The following DCC variants were observed in gnomAD, a reference collection of about 807,000 sequenced individuals.
DCC encodes the protein DCC netrin 1 receptor.
In DCC, 58 loss-of-function variants were observed where a neutral mutation model predicts 172.5. The ratio of observed to expected loss-of-function variants is 0.34; its 90% confidence interval spans 0.27 to 0.42. The LOEUF (loss-of-function observed/expected upper bound fraction) is 0.42, where lower values mean the gene tolerates loss of function less well. DCC is among the 10% of genes least tolerant of loss of function. DCC has a pLI of 1.00. For synonymous variants in DCC, 709 were observed against 644.5 expected, an observed-to-expected ratio of 1.10 and a Z score of -1.52; for missense variants, 1,740 against 1,791.0, an observed-to-expected ratio of 0.97 and a Z score of 0.51.
At chr18:52,908,155 G>C (rs908141520) in intron 3 of DCC, among the ~76,000 whole-genome samples, 3 of 152,180 alleles carry the variant, frequency 2.0e-5, no homozygotes, top group African/African-American at 7.2e-5. Context: ...GTTATCACAA[G>C]TACTTCAGCT....
intron 2 of DCC, among the ~76,000 whole-genome samples, chr18:52,864,875 A>G (rs982746990): frequency 1.4e-5 from 2 of 145,652 alleles, no homozygotes; most frequent in African/African-American, 5.0e-5. Flanking sequence ...TTTTTATTTT[A>G]TTTTTATTGA....
intron 13 of DCC, among the ~76,000 whole-genome samples, chr18:53,320,070 C>CTTTT (rs35150045): frequency 7.3e-5 from 8 of 109,624 alleles, no homozygotes; most frequent in South Asian, 3.3e-4. Context: ...CGCAAGAGTA[C>CTTTT]TTTTTTTTTT....
intron 15 of DCC, among the ~76,000 whole-genome samples, chr18:53,370,512 T>A (rs1034609539): frequency 6.6e-6 from 1 of 151,738 alleles, no homozygotes; most frequent in African/African-American, 2.4e-5. Context: ...AATTTAAGCA[T>A]TTACAGCTGT....
intron 1 of DCC, among the ~76,000 whole-genome samples, chr18:52,447,279 G>T (rs1988156003): frequency 6.6e-6 from 1 of 152,212 alleles, no homozygotes; most frequent in African/African-American, 2.4e-5. Flanking sequence ...AGTAGCCAGT[G>T]CTAAAGATAG....
chr18:52,514,479 G>C lies in DCC; in HGVS notation c.91+173601G>C, dbSNP rs57234350. ...CTCAAACAACCAAAAAATGTCTCCAGACATTACCAAATATCCCCTATGGGG... is the reference window on the plus strand; with the variant it reads ...CTCAAACAACCAAAAAATGTCTCCACACATTACCAAATATCCCCTATGGGG... On this transcript the variant is annotated intron_variant, in intron 1 of 28. Coordinates refer to ENST00000442544, the MANE Select transcript of DCC (RefSeq NM_005215.4). Among the ~76,000 whole-genome samples, 6 of 152,288 alleles carry C rather than the reference G, an allele frequency of 3.9e-5. No individual in the cohort carries two copies. In the East Asian group the frequency reaches 7.7e-4, roughly 20 times the overall value.
chr18:53,497,837 A>G (rs187495942), intron 26 of DCC, among the ~76,000 whole-genome samples: 1 of 152,312 alleles, frequency 6.6e-6, no homozygotes, highest in East Asian at 1.9e-4. Context: ...CTTCTTTGGT[A>G]AGAAAGATTT....
chr18:53,232,953 G>T (rs1282882591), intron 12 of DCC, among the ~76,000 whole-genome samples: 2 of 148,748 alleles, frequency 1.3e-5, no homozygotes, highest in Non-Finnish European at 3.0e-5. Context: ...TTTTCCCCAG[G>T]TATTATTATT....
intron 1 of DCC, among the ~76,000 whole-genome samples, chr18:52,718,105 A>G (rs1445958389): frequency 6.6e-6 from 1 of 152,174 alleles, no homozygotes; most frequent in African/African-American, 2.4e-5. Flanking sequence ...TTGTCATCTG[A>G]ATGTTGGCCG....
chr18:53,199,417 C>A (rs1196909467), intron 9 of DCC, among the ~76,000 whole-genome samples: 1 of 151,958 alleles, frequency 6.6e-6, no homozygotes, highest in East Asian at 1.9e-4. Context: ...TTGAGTCTCC[C>A]TTTATTTCAT....
At chr18:52,355,003 G>A (rs150165434) in intron 1 of DCC, among the ~76,000 whole-genome samples, 2 of 152,214 alleles carry the variant, frequency 1.3e-5, no homozygotes, top group Admixed American at 6.5e-5. Context: ...GCCCCGTTAC[G>A]AATGCATATA....
chr18:52,353,471 C>T (rs1033926591), intron 1 of DCC, among the ~76,000 whole-genome samples: 9 of 152,202 alleles, frequency 5.9e-5, no homozygotes, highest in Non-Finnish European at 1.2e-4. Flanking sequence ...TGAGAGCACA[C>T]ACATGCTCAA....
At chr18:52,780,477 A>G (rs559063244) in intron 2 of DCC, among the ~76,000 whole-genome samples, 1 of 152,306 alleles carries the variant, frequency 6.6e-6, no homozygotes, top group African/African-American at 2.4e-5. Context: ...AAAAGATAAT[A>G]AGAGAAAGGC....
intron 21 of DCC, among the ~76,000 whole-genome samples, chr18:53,428,664 AT>A (rs1161467904): frequency 1.6e-4 from 10 of 62,134 alleles, no homozygotes; most frequent in African/African-American, 4.7e-4. Flanking sequence ...TATAATGTAT[AT>A]TTTATATAAT....
chr18:53,251,939 T>C (rs1319839175), intron 12 of DCC, among the ~76,000 whole-genome samples: 1 of 151,956 alleles, frequency 6.6e-6, no homozygotes, highest in Non-Finnish European at 1.5e-5. Context: ...CCACTACCTT[T>C]TTCTGCTGAG....
intron 26 of DCC, among the ~76,000 whole-genome samples, chr18:53,487,455 A>G (rs1438922652): frequency 1.3e-5 from 2 of 151,916 alleles, no homozygotes; most frequent in South Asian, 2.1e-4. Context: ...CATTTCTTTG[A>G]AGGAAGGTAG....
At chr18:53,078,551 T>C (rs1028507809) in intron 7 of DCC, among the ~76,000 whole-genome samples, 5 of 152,132 alleles carry the variant, frequency 3.3e-5, no homozygotes. Context: ...CACTTATTGT[T>C]CTATTTTGTT....
At chr18:52,818,047 C>G (rs921149883) in intron 2 of DCC, 1 of 152,070 alleles carries the variant, frequency 6.6e-6, no homozygotes, top group African/African-American at 2.4e-5. Context: ...TTTTATGCTG[C>G]TGGAGAAAAC....
At chr18:52,966,222 T>G (rs1454099321) in intron 5 of DCC, among the ~76,000 whole-genome samples, 1 of 152,206 alleles carries the variant, frequency 6.6e-6, no homozygotes, top group Non-Finnish European at 1.5e-5. Flanking sequence ...GGCATGGTCA[T>G]GAATAAAGAG....
At chr18:53,167,566 T>C (rs1241095098) in intron 8 of DCC, among the ~76,000 whole-genome samples, 1 of 152,200 alleles carries the variant, frequency 6.6e-6, no homozygotes, top group Admixed American at 6.6e-5. Context: ...GGAGATTTTA[T>C]GTAATTATTC....
Sources: gnomAD v4.1 joint callset for allele counts (sites outside exome capture counted in the v4.1 genomes callset) on GRCh38, gnomAD v4.1.1 for gene constraint, MANE v1.5 for transcripts, NCBI Gene and HGNC (gene_info 2026-07-23, HGNC 2026-07-21) for gene names.